The following CFAP54 variants were observed in gnomAD, a reference collection of about 807,000 sequenced individuals.
The protein encoded by CFAP54 is cilia- and flagella-associated protein 54.
A neutral mutation model predicts 370.4 loss-of-function variants in CFAP54; 290 were observed. That is an observed-to-expected ratio of 0.78 (90% CI 0.71 to 0.86). CFAP54 has a LOEUF of 0.86. Ranked by LOEUF, CFAP54 falls within the 40% of genes least tolerant of loss-of-function variation. The pLI, the probability that CFAP54 is intolerant of heterozygous loss-of-function variation, is 0.00. For synonymous variants in CFAP54, 1,206 were observed against 1,236.5 expected (o/e 0.98, Z 0.52); for missense variants, 3,399 against 3,528.7 (o/e 0.96, Z 0.93).
chr12:96,851,716 C>A (rs1459486023), intron 66 of CFAP54, among the ~76,000 whole-genome samples: 2 of 151,788 alleles, frequency 1.3e-5, no homozygotes, highest in African/African-American at 4.8e-5. Context: ...AAAAATAGTA[C>A]AGGATATAAG....
Position 96,625,741 on chromosome 12 carries a change from G to A in CFAP54, c.3910G>A (p.Gly1304Arg), listed in dbSNP as rs762717328. ...KQYVTSELSG[G>R]EDPIFLYPVV... Reference sequence around the variant, plus strand: ...AGATGTTACATCTGAACTCTCAGGAGGAGAGGACCCTATATTTCTTTATCC... The same window carrying A: ...AGATGTTACATCTGAACTCTCAGGAAGAGAGGACCCTATATTTCTTTATCC... The change falls in exon 29 of 68, where the codon GGA becomes AGA. Residue 1304 changes from glycine to arginine, a missense_variant. Coordinates refer to ENST00000524981, the MANE Select transcript of CFAP54 (RefSeq NM_001306084.2). 2 of 1,535,540 alleles carry A rather than the reference G, an allele frequency of 1.3e-6. No homozygotes were observed. Among genetic ancestry groups the A allele is most frequent in the African/African-American group, 1.4e-5 (1 of 73,116 alleles).
At chr12:96,783,854 C>A (rs1958603543) in intron 60 of CFAP54, among the ~76,000 whole-genome samples, 2 of 151,936 alleles carry the variant, frequency 1.3e-5, no homozygotes, top group African/African-American at 4.8e-5. Context: ...CCATTGCACT[C>A]CAGCCTGGGC....
intron 17 of CFAP54, among the ~76,000 whole-genome samples, chr12:96,562,335 A>G (rs187275437): frequency 6.6e-6 from 1 of 152,004 alleles, no homozygotes; most frequent in East Asian, 1.9e-4. Context: ...AATGTCATAC[A>G]TCAGAGAACT....
chr12:96,761,226 G>A (rs11108682), intron 58 of CFAP54, among the ~76,000 whole-genome samples: 55,073 of 151,792 alleles, frequency 0.36, 10,690 homozygotes, highest in East Asian at 0.58. Context: ...AATGATGCTT[G>A]GATATTTTCA....
At position 96,511,508 on chromosome 12, in the gene CFAP54, G is replaced by T. The variant is rs567020597; in HGVS notation, c.740-1478G>T. Among the ~76,000 whole-genome samples the T allele has an allele frequency of 2.6e-5, 4 of 152,244 alleles. No homozygotes were observed. In the South Asian group the frequency reaches 8.3e-4, roughly 32 times the overall value. On this transcript the variant is annotated intron_variant, in intron 4 of 67. Coordinates refer to ENST00000524981, the MANE Select transcript of CFAP54 (RefSeq NM_001306084.2). The stretch of plus-strand genomic sequence containing the variant: ...TACTTTTGTGTTTTTAGTAGAGATG[G>T]GGTTTCTCCACGTTGGCCAGGCTGA...
chr12:96,791,657 G>A (rs909134783), intron 62 of CFAP54, among the ~76,000 whole-genome samples: 2 of 152,118 alleles, frequency 1.3e-5, no homozygotes, highest in African/African-American at 4.8e-5. Context: ...AAAATAAATA[G>A]TAATTTATAA....
At chr12:96,820,931 C>T (rs181120046) in intron 65 of CFAP54, among the ~76,000 whole-genome samples, 3 of 152,220 alleles carry the variant, frequency 2.0e-5, no homozygotes, top group Non-Finnish European at 4.4e-5. Context: ...CCTAAATTCA[C>T]TACTATCTGG....
intron 48 of CFAP54, among the ~76,000 whole-genome samples, chr12:96,709,955 G>C (rs1200296346): frequency 6.6e-6 from 1 of 152,084 alleles, no homozygotes; most frequent in Non-Finnish European, 1.5e-5. Flanking sequence ...GATCTCAAGT[G>C]ATCTGCCTGC....
intron 12 of CFAP54, among the ~76,000 whole-genome samples, chr12:96,537,416 A>C (rs1438092653): frequency 2.0e-5 from 3 of 152,104 alleles, no homozygotes; most frequent in Non-Finnish European, 4.4e-5. Context: ...ATTTTGGCTC[A>C]CCACAACCTC....
rs1174645306 is a variant in CFAP54 at position 96,664,796 on chromosome 12, T to G, written c.5563+864T>G. On this transcript the variant is annotated intron_variant, in intron 39 of 67. Coordinates refer to ENST00000524981, the MANE Select transcript of CFAP54 (RefSeq NM_001306084.2). ...CTATATCTATATATATATATATATA[T>G]ATATATATATATATATAGATATATA... Among the ~76,000 whole-genome samples, 306 of 39,402 alleles carry G rather than the reference T, an allele frequency of 7.8e-3. 11 individuals are homozygous for G. Among genetic ancestry groups the G allele is most frequent in the African/African-American group, 0.02 (235 of 11,822 alleles). 25.8% of individuals were successfully genotyped at this position (39,402 alleles called of 152,430 possible).
At chr12:96,688,838 A>G (rs1957356541) in intron 42 of CFAP54, 78 bp from the exon 43 acceptor site, 3 of 723,248 alleles carry the variant, frequency 4.1e-6, no homozygotes, top group Non-Finnish European at 6.9e-6. Context: ...TGTTCTAGAT[A>G]TATATGTAAA....
At chr12:96,576,350 A>G (rs886725292) in intron 19 of CFAP54, among the ~76,000 whole-genome samples, 3 of 151,758 alleles carry the variant, frequency 2.0e-5, no homozygotes, top group Non-Finnish European at 4.4e-5. Flanking sequence ...TGATAAACAT[A>G]TAAGATACAC....
chr12:96,869,374 G>A (rs945040677), intron 67 of CFAP54, among the ~76,000 whole-genome samples: 10 of 152,104 alleles, frequency 6.6e-5, no homozygotes, highest in African/African-American at 2.4e-4. Flanking sequence ...TAAGTTGGTT[G>A]ATCAATCTTG....
chr12:96,574,870 A>G (rs1181261266), intron 19 of CFAP54, among the ~76,000 whole-genome samples: 1 of 152,136 alleles, frequency 6.6e-6, no homozygotes, highest in Admixed American at 6.6e-5. Context: ...TCAAAGTTAA[A>G]ATAGTTTTAT....
At chr12:96,564,926 A>C (rs890988695) in intron 19 of CFAP54, 161 bp downstream of exon 19, 1 of 379,782 alleles carries the variant, frequency 2.6e-6, no homozygotes, top group Non-Finnish European at 4.6e-6. Context: ...ACTAATTCGT[A>C]CCTCCAGTTC....
chr12:96,569,929 G>T (rs1955897858), intron 19 of CFAP54, among the ~76,000 whole-genome samples: 1 of 151,906 alleles, frequency 6.6e-6, no homozygotes, highest in Non-Finnish European at 1.5e-5. Context: ...AATTCTATCT[G>T]ATTTTTTTTT....
intron 32 of CFAP54, among the ~76,000 whole-genome samples, chr12:96,635,505 G>A (rs1280394991): frequency 1.3e-5 from 2 of 152,158 alleles, no homozygotes; most frequent in African/African-American, 2.4e-5. Context: ...AGCCCCATAT[G>A]CACTTCATGG....
At chr12:96,625,642 T>C (rs1188796455) in intron 28 of CFAP54, 76 bp from the exon 29 acceptor site, 8 of 799,804 alleles carry the variant, frequency 1.0e-5, no homozygotes, top group Non-Finnish European at 1.5e-5. Context: ...AAAGAATTGT[T>C]ATTGTGAATT....
At chr12:96,608,328 C>CAT (rs1193699595) in intron 26 of CFAP54, among the ~76,000 whole-genome samples, 7 of 151,684 alleles carry the variant, frequency 4.6e-5, no homozygotes, top group South Asian at 4.2e-4. Context: ...CACACACACA[C>CAT]ACACACATAC....
Sources: gnomAD v4.1 joint callset for allele counts (sites outside exome capture counted in the v4.1 genomes callset) on GRCh38, gnomAD v4.1.1 for gene constraint, MANE v1.5 for transcripts, NCBI Gene and HGNC (gene_info 2026-07-23, HGNC 2026-07-21) for gene names.